CYRIB: variants seen among roughly 807,000 people sequenced by gnomAD.
The protein encoded by CYRIB is CYFIP related Rac1 interactor B.
In CYRIB, 8 loss-of-function variants were observed where a neutral mutation model predicts 44.2. That is an observed-to-expected ratio of 0.18 (90% CI 0.11 to 0.33). The LOEUF (loss-of-function observed/expected upper bound fraction) is 0.33. Ranked by LOEUF, CYRIB falls within the 10% of genes least tolerant of loss-of-function variation. The pLI is 1.00. For missense variants in CYRIB, 185 were observed against 382.8 expected (o/e 0.48, Z 4.31); for synonymous variants, 131 against 127.2 (o/e 1.03, Z -0.20).
intron 2 of CYRIB, among the ~76,000 whole-genome samples, chr8:129,952,456 T>C (rs1299427925): frequency 1.3e-5 from 2 of 152,156 alleles, no homozygotes; most frequent in Non-Finnish European, 1.5e-5. Context: ...AAATTGTATA[T>C]ACAATTAATA....
At chr8:129,991,329 G>A (rs1233274608) in intron 1 of CYRIB, among the ~76,000 whole-genome samples, 5 of 151,966 alleles carry the variant, frequency 3.3e-5, no homozygotes, top group African/African-American at 1.2e-4. Context: ...AACTCATACT[G>A]AAACGTAATC....
chr8:130,015,376 G>C (rs775660156), intron 1 of CYRIB, among the ~76,000 whole-genome samples: 1 of 151,928 alleles, frequency 6.6e-6, no homozygotes, highest in Non-Finnish European at 1.5e-5. Context: ...GGAAATCTAC[G>C]CTCGTTTTCT....
chr8:129,855,677 T>C lies in CYRIB; in HGVS notation c.372A>G (p.Arg124=), dbSNP rs780111793. 1.6e-5 allele frequency: 26 copies of C among 1,614,114 alleles called. No individual in the cohort carries two copies. In the South Asian group the frequency reaches 2.9e-4, roughly 18 times the overall value. The change falls in exon 6 of 12, where the codon CGA becomes CGG. Residue 124 remains arginine, a synonymous_variant. Coordinates refer to ENST00000519824, the Ensembl canonical transcript of CYRIB. Reference sequence around the variant, plus strand: ...CAAACTGTTTAGCAAGAGCCTGCTCTCGCTCTAGATGCTGGGTGGGAGAAT... The same window carrying C: ...CAAACTGTTTAGCAAGAGCCTGCTCCCGCTCTAGATGCTGGGTGGGAGAAT...
intron 1 of CYRIB, among the ~76,000 whole-genome samples, chr8:129,907,037 T>C (rs905371535): frequency 4.6e-5 from 7 of 152,314 alleles, no homozygotes; most frequent in African/African-American, 1.7e-4. Context: ...TGGAAGACAG[T>C]GTGGCGATTC....
At chr8:130,006,665 T>TATATATACAC (rs1446231255) in intron 1 of CYRIB, among the ~76,000 whole-genome samples, 1 of 120,186 alleles carries the variant, frequency 8.3e-6, no homozygotes, top group African/African-American at 2.9e-5. Context: ...TATATATGTA[T>TATATATACAC]ATATATATGT....
chr8:129,884,270 G>A (rs1229092613), intron 2 of CYRIB, among the ~76,000 whole-genome samples: 1 of 152,160 alleles, frequency 6.6e-6, no homozygotes, highest in African/African-American at 2.4e-5. Context: ...AAATACATTT[G>A]ATATGAAAGA....
chr8:130,015,100 G>A (rs1395432913), intron 1 of CYRIB, among the ~76,000 whole-genome samples: 1 of 152,214 alleles, frequency 6.6e-6, no homozygotes, highest in African/African-American at 2.4e-5. Flanking sequence ...TCACAAGATG[G>A]TCTTCCTCAG....
upstream of CYRIB, chr8:130,016,882 A>G (rs1411806699): frequency 6.6e-6 from 1 of 152,202 alleles, no homozygotes; most frequent in East Asian, 1.9e-4. Context: ...TCATTGTGCG[A>G]GGAGGAAACC....
At chr8:129,908,217 TA>T (rs2076397782) in intron 1 of CYRIB, among the ~76,000 whole-genome samples, 1 of 152,030 alleles carries the variant, frequency 6.6e-6, no homozygotes. Flanking sequence ...ATCAATCATG[TA>T]AAAATTAAAG....
chr8:129,991,934 G>GAGTAAGACCCTGC (rs1383374138), intron 1 of CYRIB, among the ~76,000 whole-genome samples: 1 of 98,130 alleles, frequency 1.0e-5, no homozygotes, highest in African/African-American at 4.3e-5. Context: ...CTGGGCAACA[G>GAGTAAGACCCTGC]CAGAGTCGCA....
At chr8:129,871,024 A>C (rs936774690) in intron 4 of CYRIB, among the ~76,000 whole-genome samples, 4 of 152,322 alleles carry the variant, frequency 2.6e-5, no homozygotes, top group Non-Finnish European at 4.4e-5. Flanking sequence ...GGGAGACCAC[A>C]CTACATATTT....
chr8:129,987,837 G>A (rs529380382), intron 1 of CYRIB, among the ~76,000 whole-genome samples: 30 of 152,266 alleles, frequency 2.0e-4, no homozygotes, highest in Non-Finnish European at 3.5e-4. Context: ...TTCCCAAAGT[G>A]CTGGGATTAC....
At chr8:129,963,278 C>T (rs1172118930) in intron 2 of CYRIB, among the ~76,000 whole-genome samples, 1 of 152,232 alleles carries the variant, frequency 6.6e-6, no homozygotes, top group African/African-American at 2.4e-5. Context: ...CATAAACCAA[C>T]AAATCCCCTT....
intron 2 of CYRIB, among the ~76,000 whole-genome samples, chr8:129,953,158 T>A (rs2094590709): frequency 6.6e-6 from 1 of 152,158 alleles, no homozygotes; most frequent in Non-Finnish European, 1.5e-5. Flanking sequence ...GCACACTACT[T>A]ACTCCAATAC....
intron 1 of CYRIB, among the ~76,000 whole-genome samples, chr8:129,911,960 C>T (rs2078269772): frequency 6.6e-6 from 1 of 152,168 alleles, no homozygotes; most frequent in African/African-American, 2.4e-5. Context: ...TGCAATCGTG[C>T]TAACCTAAAG....
chr8:129,976,371 A>T (rs116026367), intron 1 of CYRIB, among the ~76,000 whole-genome samples: 1 of 152,320 alleles, frequency 6.6e-6, no homozygotes, highest in African/African-American at 2.4e-5. Flanking sequence ...GGATATTCAG[A>T]ATTACTTTAA....
At chr8:129,974,887 ATT>A (rs1280918019) in intron 1 of CYRIB, among the ~76,000 whole-genome samples, 4 of 139,512 alleles carry the variant, frequency 2.9e-5, no homozygotes, top group African/African-American at 2.6e-5. Context: ...CACCCAGATA[ATT>A]TTTTTTTTTT....
intron 2 of CYRIB, among the ~76,000 whole-genome samples, chr8:129,951,790 T>C (rs979056403): frequency 6.6e-6 from 1 of 152,072 alleles, no homozygotes; most frequent in African/African-American, 2.4e-5. Flanking sequence ...CCCTACTCTT[T>C]GTTTCCATAA....
At chr8:129,882,937 C>G (rs556415137) in intron 2 of CYRIB, among the ~76,000 whole-genome samples, 25 of 151,868 alleles carry the variant, frequency 1.6e-4, no homozygotes, top group African/African-American at 5.8e-4. Flanking sequence ...GTGGCTCACG[C>G]TTGTAATCCC....
Sources: allele counts gnomAD v4.1 joint callset (sites outside exome capture counted in the v4.1 genomes callset), GRCh38; gene constraint gnomAD v4.1.1; transcripts MANE v1.5; gene names NCBI Gene and HGNC (gene_info 2026-07-23, HGNC 2026-07-21).